Variants in NIM1K observed in about 807,000 individuals in gnomAD.
NIM1K encodes the protein serine/threonine-protein kinase NIM1.
In NIM1K, 35 loss-of-function variants were observed where a neutral mutation model predicts 37.1. The ratio of observed to expected loss-of-function variants is 0.94; its 90% CI spans 0.72 to 1.25. The LOEUF (loss-of-function observed/expected upper bound fraction) is 1.25, where lower values mean the gene tolerates loss of function less well. NIM1K is among the 50% of genes most tolerant of loss of function. The pLI is 0.00. For missense variants in NIM1K, 564 were observed against 548.0 expected, an observed-to-expected ratio of 1.03 and a Z score of -0.29; for synonymous variants, 234 against 206.6, an observed-to-expected ratio of 1.13 and a Z score of -1.14.
At chr5:43,270,704 G>A (rs965057462) in intron 2 of NIM1K, among the ~76,000 whole-genome samples, 3 of 152,208 alleles carry the variant, frequency 2.0e-5, no homozygotes, top group East Asian at 1.9e-4. Context: ...ATGTCCAACA[G>A]CATGGGTGCA....
In NIM1K at chr5:43,263,549, T is replaced by TA. The variant is rs1753070589; in HGVS notation, c.293-13508_293-13507insA. Among the ~76,000 whole-genome samples, 9 of 150,550 alleles carry TA rather than the reference T, an allele frequency of 6.0e-5. 1 individual carries two copies. Among genetic ancestry groups the TA allele is most frequent in the African/African-American group, 2.0e-4 (8 of 40,566 alleles). ...CAGTCTATCAATTTTGTTGATCTTT[T>TA]CAAAAAAAAAACAGCTCTTGGATTC... On this transcript the variant is annotated intron_variant, in intron 2 of 3. Coordinates refer to ENST00000326035, the MANE Select transcript of NIM1K (RefSeq NM_153361.4).
intron 2 of NIM1K, among the ~76,000 whole-genome samples, 183 bp downstream of exon 2, chr5:43,246,250 G>A (rs940282308): frequency 2.0e-5 from 3 of 152,180 alleles, no homozygotes; most frequent in African/African-American, 7.2e-5. Flanking sequence ...ACCATGTGAG[G>A]TCAATATTTT....
chr5:43,236,325 T>C (rs536554828), intron 1 of NIM1K, among the ~76,000 whole-genome samples: 1 of 148,584 alleles, frequency 6.7e-6, no homozygotes, highest in African/African-American at 2.5e-5. Flanking sequence ...AAAAAAAAAA[T>C]GGAGTCGCCA....
intron 1 of NIM1K, chr5:43,225,771 A>G (rs539960534): frequency 6.5e-6 from 1 of 153,838 alleles, no homozygotes; most frequent in East Asian, 1.9e-4. Flanking sequence ...TGGCCAGAAA[A>G]CTGCTTGTTA....
intron 2 of NIM1K, among the ~76,000 whole-genome samples, chr5:43,263,007 G>C (rs1187565201): frequency 6.6e-6 from 1 of 152,170 alleles, no homozygotes; most frequent in South Asian, 2.1e-4. Context: ...GCTGGATTCA[G>C]TTTGCCAGTA....
chr5:43,214,849 A>G (rs143504632), intron 1 of NIM1K, among the ~76,000 whole-genome samples: 1,895 of 151,864 alleles, frequency 0.012, 23 homozygotes, highest in Middle Eastern at 0.044. Flanking sequence ...GAAAAAAGAA[A>G]TGTGCCCATT....
Position 43,198,131 on chromosome 5 carries a change from A to ATTTCTTTCTTTC in NIM1K, c.-695+5786_-695+5797dup, listed in dbSNP as rs760219876. ...TCTGCACCCGCACCTGGCCAATATGATTTCTTTCTTTCTTTCTTTCTTTCT... is the reference window on the plus strand; with the variant it reads ...TCTGCACCCGCACCTGGCCAATATGATTTCTTTCTTTCTTTCTTTCTTTCTTTCTTTCTTTCT... On this transcript the variant is annotated intron_variant, in intron 1 of 3. Transcript: ENST00000326035. 2.1e-4 allele frequency among the ~76,000 whole-genome samples: 22 copies of ATTTCTTTCTTTC among 106,040 alleles called. 1 individual carries two copies. Among genetic ancestry groups the ATTTCTTTCTTTC allele is most frequent in the African/African-American group, 3.6e-4 (10 of 28,138 alleles). The allele number at this position is 106,040 out of a possible 152,430, so 69.6% of individuals were successfully genotyped here.
chr5:43,280,057 C>A lies in NIM1K; in HGVS notation c.639C>A (p.Gly213=). 1 of 1,613,978 alleles carries A rather than the reference C, an allele frequency of 6.2e-7. No homozygotes were observed. The highest frequency in any genetic ancestry group is 8.5e-7 in the Non-Finnish European group (1 of 1,179,958). Residue 213 remains glycine (G), a synonymous_variant, in exon 4 of 4, where the codon GGC becomes GGA. Transcript: ENST00000326035. ...FYTSNTCVKV[G]DFGFSTVSKK... is the part of the protein sequence containing the mutation. ...CCAGTAATACTTGTGTGAAGGTGGG[C>A]GATTTTGGATTCAGCACAGTAAGCA...
intron 2 of NIM1K, among the ~76,000 whole-genome samples, chr5:43,262,074 A>G (rs546281800): frequency 1.3e-5 from 2 of 152,126 alleles, no homozygotes; most frequent in East Asian, 3.9e-4. Flanking sequence ...TTGGCTTACA[A>G]TTTTCTTGGC....
At chr5:43,276,450 C>T (rs2111565957) in intron 2 of NIM1K, among the ~76,000 whole-genome samples, 1 of 152,362 alleles carries the variant, frequency 6.6e-6, no homozygotes, top group South Asian at 2.1e-4. Context: ...TGGCCCAAGC[C>T]ATTCATGAGA....
chr5:43,198,131 A>ATTTCT (rs1751944458), intron 1 of NIM1K, among the ~76,000 whole-genome samples: 2 of 105,940 alleles, frequency 1.9e-5, no homozygotes. Context: ...GGCCAATATG[A>ATTTCT]TTTCTTTCTT....
intron 2 of NIM1K, among the ~76,000 whole-genome samples, chr5:43,272,680 C>G (rs747686608): frequency 6.6e-6 from 1 of 152,148 alleles, no homozygotes; most frequent in African/African-American, 2.4e-5. Flanking sequence ...CCTTTGTCCC[C>G]TTGGTCCTGT....
Position 43,231,978 on chromosome 5 carries a change from C to G in NIM1K, c.-694-13104C>G, listed in dbSNP as rs1752546052. On this transcript the variant is annotated intron_variant, in intron 1 of 3. Coordinates refer to ENST00000326035, the MANE Select transcript of NIM1K (RefSeq NM_153361.4). The stretch of plus-strand genomic sequence containing the variant: ...AACAAAAGCACTCTTGACATACATT[C>G]AAGTCAAACTTGTGGTCCAGGTGAG... The G allele has an allele frequency of 8.1e-6, 8 of 983,694 alleles. 1 individual carries two copies. In the Admixed American group the frequency reaches 1.1e-4, roughly 13 times the overall value. 60.9% of individuals were successfully genotyped at this position (983,694 alleles called of 1,614,324 possible). A position where few individuals can be genotyped will look rare whatever the true frequency, so the allele number is the denominator to read the frequency against.
At chr5:43,252,229 A>G (rs548175683) in intron 2 of NIM1K, among the ~76,000 whole-genome samples, 6 of 152,276 alleles carry the variant, frequency 3.9e-5, no homozygotes, top group South Asian at 2.1e-4. Context: ...ACTTGTCCCC[A>G]TGAGTTTCAG....
chr5:43,227,418 C>T (rs1159226189), intron 1 of NIM1K, among the ~76,000 whole-genome samples: 2 of 152,020 alleles, frequency 1.3e-5, no homozygotes, highest in African/African-American at 2.4e-5. Context: ...GTTCTTGGCA[C>T]ATAGTAAGCA....
chr5:43,221,447 CAAA>C (rs55658060), intron 1 of NIM1K, among the ~76,000 whole-genome samples: 4 of 124,112 alleles, frequency 3.2e-5, no homozygotes, highest in African/African-American at 3.3e-5. Flanking sequence ...GAGACTGTCT[CAAA>C]AAAAAAAAAA....
At chr5:43,216,265 T>C (rs1057415825) in intron 1 of NIM1K, among the ~76,000 whole-genome samples, 2 of 151,754 alleles carry the variant, frequency 1.3e-5, no homozygotes, top group African/African-American at 2.4e-5. Context: ...TCTGACTCTG[T>C]GTTTGCTCAG....
chr5:43,248,907 C>T (rs1424910961), intron 2 of NIM1K, among the ~76,000 whole-genome samples: 1 of 151,538 alleles, frequency 6.6e-6, no homozygotes, highest in Non-Finnish European at 1.5e-5. Context: ...TGGAGTCTCA[C>T]CTTGTCACCG....
At chr5:43,278,082 G>C (rs1284910855) in intron 3 of NIM1K, among the ~76,000 whole-genome samples, 7 of 133,922 alleles carry the variant, frequency 5.2e-5, no homozygotes, top group African/African-American at 2.0e-4. Context: ...GTCTTCCTCT[G>C]TCACCCAGGA....
Sources: allele counts gnomAD v4.1 joint callset (sites outside exome capture counted in the v4.1 genomes callset), GRCh38; gene constraint gnomAD v4.1.1; transcripts MANE v1.5; gene names NCBI Gene and HGNC (gene_info 2026-07-23, HGNC 2026-07-21).